SERINC3: variants seen among roughly 807,000 people sequenced by gnomAD.
SERINC3 encodes tumor differentially expressed protein 1.
In SERINC3, 22 loss-of-function variants were observed where a neutral mutation model predicts 52.1. That is an observed-to-expected ratio of 0.42 (90% CI 0.30 to 0.60). The LOEUF is 0.60. Ranked by LOEUF, SERINC3 falls within the 20% of genes least tolerant of loss-of-function variation. SERINC3 has a pLI of 0.16. For missense variants in SERINC3, 564 were observed against 584.6 expected (o/e 0.96, Z 0.36); for synonymous variants, 226 against 212.7 (o/e 1.06, Z -0.54).
chr20:44,501,607 C>A (rs1034981440), intron 8 of SERINC3, among the ~76,000 whole-genome samples: 5 of 152,184 alleles, frequency 3.3e-5, no homozygotes, highest in Non-Finnish European at 7.3e-5. Context: ...CACGTGCCAA[C>A]CTCCTTCCAA....
chr20:44,504,911 A>T lies in SERINC3; in HGVS notation c.784-20T>A, dbSNP rs1373356118. ...GTGTTCCTATGGAATCAAAAGGAAAACAGTGGCACAGGGACTGCCAAGGGC... is the reference window on the plus strand; with the variant it reads ...GTGTTCCTATGGAATCAAAAGGAAATCAGTGGCACAGGGACTGCCAAGGGC... On this transcript the variant is annotated intron_variant, in intron 6 of 9. Coordinates refer to ENST00000342374, the MANE Select transcript of SERINC3 (RefSeq NM_006811.4). 1 of 1,601,482 alleles carries T rather than the reference A, an allele frequency of 6.2e-7. No individual in the cohort carries two copies. The highest frequency in any genetic ancestry group is 1.7e-5 in the Admixed American group (1 of 59,870).
At chr20:44,520,726 A>G (rs2064411247) in intron 1 of SERINC3, among the ~76,000 whole-genome samples, 2 of 152,360 alleles carry the variant, frequency 1.3e-5, no homozygotes, top group South Asian at 4.1e-4. Context: ...CCCATGTAAC[A>G]AAACTGCATA....
At chr20:44,500,804 A>C (rs147444743) in intron 9 of SERINC3, among the ~76,000 whole-genome samples, 1 of 152,280 alleles carries the variant, frequency 6.6e-6, no homozygotes, top group East Asian at 1.9e-4. Flanking sequence ...ATCTCTATAC[A>C]CAGAAAATTA....
chr20:44,515,953 C>A (rs981503061), intron 1 of SERINC3, among the ~76,000 whole-genome samples: 6 of 152,266 alleles, frequency 3.9e-5, no homozygotes, highest in Admixed American at 3.3e-4. Context: ...CTGCACCCGG[C>A]CCACTAAACA....
At chr20:44,508,447 T>C (rs1357137354) in intron 5 of SERINC3, among the ~76,000 whole-genome samples, 1 of 151,570 alleles carries the variant, frequency 6.6e-6, no homozygotes, top group Non-Finnish European at 1.5e-5. Flanking sequence ...CAGTGAGCCA[T>C]GATTGTGCCA....
chr20:44,504,774 A>T, intron 7 of SERINC3, 27 bp downstream of exon 7: 1 of 1,537,326 alleles, frequency 6.5e-7, no homozygotes, highest in Middle Eastern at 1.8e-4. Flanking sequence ...TTTTTATCAA[A>T]TGAATGTGTT....
chr20:44,512,734 T>A, intron 3 of SERINC3, 67 bp downstream of exon 3: 1 of 1,257,024 alleles, frequency 8.0e-7, no homozygotes, highest in South Asian at 1.5e-5. Flanking sequence ...AGAATGGCTA[T>A]ATTAACTGCT....
rs2064258247 is a variant in SERINC3 at position 44,498,122 on chromosome 20, A to G, written c.*2174T>C. ...AGCAGTCTGACTCCCAAGCCTCTTA[A>G]CCATTCTTAAGAGACCACCTACCTC... On this transcript the variant is annotated 3_prime_UTR_variant, in exon 10 of 10. Transcript: ENST00000342374. The G allele has an allele frequency of 6.6e-6, 1 of 152,206 alleles. No individual in the cohort carries two copies. The highest frequency in any genetic ancestry group is 2.4e-5 in the African/African-American group (1 of 41,424). The allele number at this position is 152,206 out of a possible 1,614,324, so 9.4% of individuals were successfully genotyped here.
chr20:44,513,846 AACCAAT>A lies in SERINC3; in HGVS notation c.201+27_201+32del, dbSNP rs754632243. The A allele has an allele frequency of 2.0e-6, 3 of 1,489,906 alleles. No individual in the cohort carries two copies. The South Asian group carries it at 4.0e-5, about 20-fold the overall frequency. 92.3% of individuals were successfully genotyped at this position (1,489,906 alleles called of 1,614,324 possible). Reference sequence around the variant, plus strand: ...TTTTGCAGAATATAAAAATAAAAATAACCAATACCTTAAGGGCACTGTTACTTCTTA... The same window carrying A: ...TTTTGCAGAATATAAAAATAAAAATAACCTTAAGGGCACTGTTACTTCTTA... On this transcript the variant is annotated intron_variant, in intron 2 of 9. Transcript: ENST00000342374.
intron 6 of SERINC3, 99 bp downstream of exon 6, chr20:44,506,728 T>A (rs989614582): frequency 2.8e-6 from 2 of 703,560 alleles, no homozygotes; most frequent in Non-Finnish European, 4.2e-6. Context: ...AATGTTCAAG[T>A]GGATAAACTT....
intron 6 of SERINC3, among the ~76,000 whole-genome samples, chr20:44,505,518 G>A (rs1056948040): frequency 1.1e-4 from 16 of 152,024 alleles, no homozygotes; most frequent in African/African-American, 2.2e-4. Context: ...ATGGGGTTTC[G>A]TCATGTTGGC....
intron 5 of SERINC3, among the ~76,000 whole-genome samples, chr20:44,508,622 G>A (rs776016048): frequency 6.6e-6 from 1 of 152,214 alleles, no homozygotes; most frequent in African/African-American, 2.4e-5. Context: ...GAATTGTATG[G>A]AATGGAATAC....
rs545235122 is a variant in SERINC3, at chr20:44,519,442, T to C, written c.39+2471A>G. 6.3e-6 allele frequency: 6 copies of C among 946,528 alleles called. No individual in the cohort carries two copies. In the African/African-American group the frequency reaches 8.9e-5, roughly 14 times the overall value. The allele number at this position is 946,528 out of a possible 1,614,324, so 58.6% of individuals were successfully genotyped here. A position where few individuals can be genotyped will look rare whatever the true frequency, so the allele number is the denominator to read the frequency against. On this transcript the variant is annotated intron_variant, in intron 1 of 9. Transcript: ENST00000342374. ...AATGTGATAGAAGATAAAAGAAAAA[T>C]TGTACAGTAAACGATTATTTCATAA... is the stretch of plus-strand genomic sequence containing the variant.
At chr20:44,509,235 G>A (rs1221031087) in intron 5 of SERINC3, among the ~76,000 whole-genome samples, 3 of 152,096 alleles carry the variant, frequency 2.0e-5, no homozygotes, top group Non-Finnish European at 4.4e-5. Flanking sequence ...GCCCCTCTCT[G>A]AATAAGGCCA....
At chr20:44,500,561 G>A in intron 9 of SERINC3, 127 bp from the exon 10 acceptor site, 2 of 967,372 alleles carry the variant, frequency 2.1e-6, no homozygotes, top group Non-Finnish European at 3.1e-6. Context: ...CCCCCAGTAG[G>A]GTTGAAGGGG....
intron 1 of SERINC3, among the ~76,000 whole-genome samples, chr20:44,517,528 T>C (rs1434042782): frequency 6.7e-6 from 1 of 148,758 alleles, no homozygotes; most frequent in Admixed American, 6.7e-5. Context: ...GAATTCCACA[T>C]GCCATGTGAA....
intron 3 of SERINC3, among the ~76,000 whole-genome samples, chr20:44,512,516 C>A (rs1223991789): frequency 6.6e-6 from 1 of 152,008 alleles, no homozygotes; most frequent in Non-Finnish European, 1.5e-5. Flanking sequence ...TAGTATCTAG[C>A]ATAGTGCTTC....
At chr20:44,504,269 CT>C (rs2064298051) in intron 7 of SERINC3, among the ~76,000 whole-genome samples, 1 of 152,052 alleles carries the variant, frequency 6.6e-6, no homozygotes, top group African/African-American at 2.4e-5. Context: ...CTTTTTAATT[CT>C]TTAAGTGTCA....
chr20:44,504,991 G>T, intron 6 of SERINC3, 100 bp from the exon 7 acceptor site: 1 of 793,428 alleles, frequency 1.3e-6, no homozygotes, highest in Non-Finnish European at 2.0e-6. Flanking sequence ...ATCAGTAACT[G>T]AGAACTTTCG....
Sources: allele counts gnomAD v4.1 joint callset (sites outside exome capture counted in the v4.1 genomes callset), GRCh38; gene constraint gnomAD v4.1.1; transcripts MANE v1.5; gene names NCBI Gene and HGNC (gene_info 2026-07-23, HGNC 2026-07-21).